Variants in LRRTM4 observed in about 807,000 individuals in gnomAD.
LRRTM4 encodes the protein leucine-rich repeat transmembrane neuronal protein 4.
LRRTM4 carries 25 observed loss-of-function variants against 47.6 expected under a neutral mutation model. That is an observed-to-expected ratio of 0.53 (90% CI 0.38 to 0.73). LRRTM4 has a LOEUF of 0.73. Ranked by LOEUF, LRRTM4 falls within the 30% of genes least tolerant of loss-of-function variation. LRRTM4 has a pLI of 0.00. For missense variants in LRRTM4, 638 were observed against 713.4 expected (o/e 0.89, Z 1.20); for synonymous variants, 311 against 269.5 (o/e 1.15, Z -1.51).
At chr2:77,085,252 C>A (rs1261221536) in intron 3 of LRRTM4, among the ~76,000 whole-genome samples, 1 of 151,722 alleles carries the variant, frequency 6.6e-6, no homozygotes, top group African/African-American at 2.4e-5. Context: ...TTGAGTGATA[C>A]ATTAATTTCA....
chr2:77,001,298 G>A (rs1023343801), intron 3 of LRRTM4, among the ~76,000 whole-genome samples: 15 of 152,074 alleles, frequency 9.9e-5, no homozygotes, highest in Admixed American at 2.6e-4. Flanking sequence ...TCTGATTATT[G>A]TTTTAGGATT....
Position 76,933,211 on chromosome 2 carries a change from A to G in LRRTM4, c.1552-184295T>C, listed in dbSNP as rs147410024. Among the ~76,000 whole-genome samples, 658 of 152,268 alleles carry G rather than the reference A, an allele frequency of 4.3e-3. 23 individuals carry two copies. In the South Asian group the frequency reaches 0.068, roughly 16 times the overall value. On this transcript the variant is annotated intron_variant, in intron 3 of 3. Coordinates refer to ENST00000409884, the MANE Select transcript of LRRTM4 (RefSeq NM_001134745.3). ...ATCTGAATTTCATGTCAAAAAATAA[A>G]TGAGTAATCAATGAAAATTGTTTCT...
At chr2:76,764,472 A>AT (rs947481321) in intron 3 of LRRTM4, among the ~76,000 whole-genome samples, 1 of 152,062 alleles carries the variant, frequency 6.6e-6, no homozygotes, top group African/African-American at 2.4e-5. Context: ...TCTACTAAAA[A>AT]TGCAAAAAAT....
intron 3 of LRRTM4, among the ~76,000 whole-genome samples, chr2:76,767,135 C>A (rs1332869733): frequency 6.6e-6 from 1 of 152,246 alleles, no homozygotes; most frequent in South Asian, 2.1e-4. Context: ...TACAAAATTC[C>A]CTCTATTAAA....
At chr2:77,148,637 A>AT (rs1672337440) in intron 3 of LRRTM4, among the ~76,000 whole-genome samples, 1 of 152,170 alleles carries the variant, frequency 6.6e-6, no homozygotes, top group African/African-American at 2.4e-5. Context: ...GGGAAGGTAA[A>AT]TTTGAAAACA....
chr2:77,340,421 A>G (rs1671331964), intron 3 of LRRTM4, among the ~76,000 whole-genome samples: 1 of 152,034 alleles, frequency 6.6e-6, no homozygotes, highest in Non-Finnish European at 1.5e-5. Flanking sequence ...GACTTAATAC[A>G]TTTAATGAGT....
rs73942743 is a variant in LRRTM4 at position 77,469,272 on chromosome 2, A to G, written c.1551+49046T>C. On this transcript the variant is annotated intron_variant, in intron 3 of 3. Coordinates refer to ENST00000409884, the MANE Select transcript of LRRTM4 (RefSeq NM_001134745.3). ...AGCGTTTGCCTCTGAAAGCAGGGGC[A>G]GTGGGCAACCGCAGCCCACACAGAA... is the stretch of plus-strand genomic sequence containing the variant. Among the ~76,000 whole-genome samples, 245 of 152,368 alleles carry G rather than the reference A, an allele frequency of 1.6e-3. 1 individual carries two copies. The highest frequency in any genetic ancestry group is 5.7e-3 in the African/African-American group (237 of 41,590).
At chr2:77,253,333 C>T (rs1392838168) in intron 3 of LRRTM4, among the ~76,000 whole-genome samples, 1 of 152,158 alleles carries the variant, frequency 6.6e-6, no homozygotes, top group African/African-American at 2.4e-5. Flanking sequence ...CAGGAATTTA[C>T]CACCACTCAG....
intron 3 of LRRTM4, among the ~76,000 whole-genome samples, chr2:77,480,322 T>C (rs1316645397): frequency 6.6e-6 from 1 of 152,210 alleles, no homozygotes; most frequent in Non-Finnish European, 1.5e-5. Context: ...GGGAGCAGAT[T>C]ATTTTCAGCT....
At chr2:77,142,341 T>G (rs942360287) in intron 3 of LRRTM4, among the ~76,000 whole-genome samples, 1 of 151,986 alleles carries the variant, frequency 6.6e-6, no homozygotes, top group Non-Finnish European at 1.5e-5. Context: ...TTTCCATGGT[T>G]TCCTGGGATG....
chr2:77,297,843 C>A (rs1434105062), intron 3 of LRRTM4, among the ~76,000 whole-genome samples: 1 of 152,182 alleles, frequency 6.6e-6, no homozygotes, highest in Admixed American at 6.5e-5. Flanking sequence ...AAAACATCCA[C>A]CTTTGTTACA....
At chr2:77,045,544 G>A (rs770994102) in intron 3 of LRRTM4, among the ~76,000 whole-genome samples, 2 of 151,974 alleles carry the variant, frequency 1.3e-5, no homozygotes, top group Non-Finnish European at 2.9e-5. Flanking sequence ...GGGACCCAGT[G>A]GGAGGTAATT....
Position 77,279,435 on chromosome 2 carries a change from C to T in LRRTM4, c.1551+238883G>A, listed in dbSNP as rs182863862. On this transcript the variant is annotated intron_variant, in intron 3 of 3. Coordinates refer to ENST00000409884, the MANE Select transcript of LRRTM4 (RefSeq NM_001134745.3). ...ATTCATACATCATTTTAGCTGCTCT[C>T]CTATGCATATGTTCCAGTTGTCTAC... 4.3e-3 allele frequency among the ~76,000 whole-genome samples: 646 copies of T among 151,932 alleles called. 8 individuals carry two copies. The highest frequency in any genetic ancestry group is 0.015 in the African/African-American group (626 of 41,500).
At chr2:76,820,154 T>A (rs1014128079) in intron 3 of LRRTM4, among the ~76,000 whole-genome samples, 1 of 151,938 alleles carries the variant, frequency 6.6e-6, no homozygotes, top group Non-Finnish European at 1.5e-5. Context: ...TATGATGAAA[T>A]TGTTATTTAT....
intron 3 of LRRTM4, among the ~76,000 whole-genome samples, chr2:77,374,436 T>C (rs559166889): frequency 2.0e-5 from 3 of 151,970 alleles, no homozygotes; most frequent in East Asian, 3.9e-4. Flanking sequence ...TAGACAGATA[T>C]TGTTTTCACA....
chr2:76,819,003 A>T (rs145296442), intron 3 of LRRTM4, among the ~76,000 whole-genome samples: 1 of 151,800 alleles, frequency 6.6e-6, no homozygotes, highest in Non-Finnish European at 1.5e-5. Flanking sequence ...TCGACATGGT[A>T]TGGAACAAAG....
At chr2:76,776,718 C>T (rs1166914519) in intron 3 of LRRTM4, among the ~76,000 whole-genome samples, 1 of 144,726 alleles carries the variant, frequency 6.9e-6, no homozygotes, top group Non-Finnish European at 1.5e-5. Context: ...TGCCTGTTCA[C>T]TCTGATGGTA....
chr2:77,065,357 A>T (rs1442798380), intron 3 of LRRTM4, among the ~76,000 whole-genome samples: 1 of 152,182 alleles, frequency 6.6e-6, no homozygotes, highest in East Asian at 1.9e-4. Flanking sequence ...CTCACATTAT[A>T]ATAATGGCAA....
At chr2:77,176,531 T>C (rs759979902) in intron 3 of LRRTM4, among the ~76,000 whole-genome samples, 1 of 152,176 alleles carries the variant, frequency 6.6e-6, no homozygotes, top group South Asian at 2.1e-4. Context: ...TCTTTCTTTT[T>C]TTCCTGACAA....
Sources: allele counts gnomAD v4.1 joint callset (sites outside exome capture counted in the v4.1 genomes callset), GRCh38; gene constraint gnomAD v4.1.1; transcripts MANE v1.5; gene names NCBI Gene and HGNC (gene_info 2026-07-23, HGNC 2026-07-21).